PI4KB: variants seen among roughly 807,000 people sequenced by gnomAD.
PI4KB encodes the protein phosphatidylinositol 4-kinase beta, also known as PtdIns 4-kinase beta.
PI4KB carries 23 observed loss-of-function variants against 81.4 expected under a neutral mutation model. The observed-to-expected ratio is 0.28, with a 90% CI of 0.20 to 0.40. The LOEUF is 0.40. Among genes scored for constraint, PI4KB ranks in the 10% least tolerant of loss-of-function variants. The pLI is 1.00. For missense variants in PI4KB, 651 were observed against 1,036.6 expected, an observed-to-expected ratio of 0.63 and a Z score of 5.11; for synonymous variants, 381 against 406.8, an observed-to-expected ratio of 0.94 and a Z score of 0.76.
chr1:151,294,625 A>G (rs915474891), intron 9 of PI4KB, 84 bp from the exon 10 acceptor site: 12 of 1,335,038 alleles, frequency 9.0e-6, no homozygotes, highest in Admixed American at 7.1e-5. Context: ...CACTGGCCAC[A>G]TGACACCAGG....
At chr1:151,314,740 G>A (rs587643343) in intron 2 of PI4KB, among the ~76,000 whole-genome samples, 8 of 152,294 alleles carry the variant, frequency 5.3e-5, no homozygotes, top group African/African-American at 1.9e-4. Context: ...CAAAAGGTAG[G>A]ATCTTCAGAG....
intron 2 of PI4KB, among the ~76,000 whole-genome samples, chr1:151,314,510 T>C (rs1647609893): frequency 6.6e-6 from 1 of 152,178 alleles, no homozygotes; most frequent in Admixed American, 6.5e-5. Flanking sequence ...AAGTTATACC[T>C]CCAACTGCTG....
chr1:151,302,452 A>G (rs900030903), intron 6 of PI4KB, among the ~76,000 whole-genome samples, 154 bp from the exon 7 acceptor site: 1 of 152,128 alleles, frequency 6.6e-6, no homozygotes, highest in African/African-American at 2.4e-5. Flanking sequence ...AACATAACCA[A>G]TGACACCTTT....
chr1:151,315,519 G>A, intron 2 of PI4KB, 54 bp downstream of exon 2: 2 of 1,226,034 alleles, frequency 1.6e-6, no homozygotes, highest in South Asian at 1.2e-5. Context: ...GAGGCATCCT[G>A]TCTCCATGCA....
At chr1:151,300,495 A>G (rs1031999354) in intron 8 of PI4KB, among the ~76,000 whole-genome samples, 1 of 152,160 alleles carries the variant, frequency 6.6e-6, no homozygotes, top group African/African-American at 2.4e-5. Context: ...AATCCCAGCT[A>G]CTTGGGAAGG....
chr1:151,309,728 C>G (rs1407009769), intron 3 of PI4KB, among the ~76,000 whole-genome samples: 1 of 152,140 alleles, frequency 6.6e-6, no homozygotes, highest in Middle Eastern at 3.2e-3. Flanking sequence ...TTCCTTCAGG[C>G]CAAGTCCTAT....
Position 151,298,881 on chromosome 1 carries a change from T to G in PI4KB, c.1942A>C (p.Ser648Arg). The G allele has an allele frequency of 6.2e-7, 1 of 1,614,194 alleles. No individual in the cohort carries two copies. Residue 648 changes from serine (S) to arginine (R), a missense_variant, in exon 9 of 12, where the codon AGT (serine) becomes CGT (arginine). By Grantham distance (110) the Ser-to-Arg change is moderately radical. Around this residue, in one of 5 missense-constraint regions of PI4KB, gnomAD observed 246 missense variants for 430.1 expected, o/e 0.57. Transcript: ENST00000368873. ...HGSYTTEAFLSAQRNFVQSCA... is the reference protein window; with the variant it reads ...HGSYTTEAFLRAQRNFVQSCA... ...CTTTGCACAAAATTGCGCTGTGCAC[T>G]GAGGAATGCCTCAGTGGTGTAACTG...
At chr1:151,294,232 G>GGGCCCTGTTA in intron 10 of PI4KB, 94 bp from the exon 11 acceptor site, 1 of 1,521,552 alleles carries the variant, frequency 6.6e-7, no homozygotes, top group Non-Finnish European at 8.8e-7. Flanking sequence ...CCTCCTCTTG[G>GGGCCCTGTTA]GGCCCTGTTA....
chr1:151,302,022 G>A, intron 7 of PI4KB, 55 bp from the exon 8 acceptor site: 1 of 1,604,540 alleles, frequency 6.2e-7, no homozygotes, highest in Non-Finnish European at 8.5e-7. Flanking sequence ...GAGGACAAGA[G>A]ACATGGCTTC....
At chr1:151,302,172 C>CAG (rs767474243) in intron 7 of PI4KB, 22 bp downstream of exon 7, 6 of 1,576,622 alleles carry the variant, frequency 3.8e-6, no homozygotes, top group Non-Finnish European at 5.2e-6. Flanking sequence ...GAGAGGGGTT[C>CAG]AGAGACCCAC....
chr1:151,323,998 C>T (rs1248761914), intron 1 of PI4KB, among the ~76,000 whole-genome samples: 2 of 151,484 alleles, frequency 1.3e-5, no homozygotes, highest in Admixed American at 1.3e-4. Context: ...GTTACCCAGG[C>T]TGGAGTGCAG....
At chr1:151,320,193 C>T (rs1390956929) in intron 1 of PI4KB, among the ~76,000 whole-genome samples, 2 of 152,148 alleles carry the variant, frequency 1.3e-5, no homozygotes, top group Non-Finnish European at 2.9e-5. Context: ...GCCACCACGC[C>T]CGGCTAATTT....
chr1:151,307,834 G>A, intron 3 of PI4KB, 33 bp from the exon 4 acceptor site: 1 of 1,507,318 alleles, frequency 6.6e-7, no homozygotes. Flanking sequence ...AAAAGATGGT[G>A]AAGAAACCAT....
At chr1:151,296,826 T>C (rs938829060) in intron 9 of PI4KB, among the ~76,000 whole-genome samples, 1 of 151,646 alleles carries the variant, frequency 6.6e-6, no homozygotes, top group Non-Finnish European at 1.5e-5. Context: ...CCCAGGCTGG[T>C]GTGCAGTCGC....
At chr1:151,298,195 T>G (rs1190961416) in intron 9 of PI4KB, among the ~76,000 whole-genome samples, 2 of 152,206 alleles carry the variant, frequency 1.3e-5, no homozygotes, top group African/African-American at 4.8e-5. Context: ...GCTGAGAGTT[T>G]CCACTTCATC....
At chr1:151,297,451 C>G (rs1462179206) in intron 9 of PI4KB, among the ~76,000 whole-genome samples, 1 of 150,064 alleles carries the variant, frequency 6.7e-6, no homozygotes, top group Non-Finnish European at 1.5e-5. Context: ...AAGCAATTCT[C>G]CTGCCTTACC....
intron 11 of PI4KB, 196 bp downstream of exon 11, chr1:151,293,822 C>T: frequency 5.2e-6 from 3 of 574,230 alleles, no homozygotes; most frequent in South Asian, 4.6e-5. Flanking sequence ...CCTTCCCCAG[C>T]CTTCTGGACT....
intron 9 of PI4KB, among the ~76,000 whole-genome samples, chr1:151,295,132 G>A (rs1284819633): frequency 6.6e-6 from 1 of 152,238 alleles, no homozygotes; most frequent in African/African-American, 2.4e-5. Flanking sequence ...CAGTACTACA[G>A]GGCAGCTGTA....
rs80016580 is a variant in PI4KB at position 151,307,178 on chromosome 1, G to A, written c.1182+396C>T. ...TTGGGCATCCTTCTCTCCTTTTGTC[G>A]GCTCATTCTGATCAGAAAAGGTCTT... On this transcript the variant is annotated intron_variant, in intron 4 of 11. Transcript: ENST00000368873. Among the ~76,000 whole-genome samples, 196 of 152,138 alleles carry A rather than the reference G, an allele frequency of 1.3e-3. 3 individuals carry two copies. Among genetic ancestry groups the A allele is most frequent in the African/African-American group, 4.5e-3 (185 of 41,496 alleles).
Sources: gnomAD v4.1 joint callset for allele counts (sites outside exome capture counted in the v4.1 genomes callset) on GRCh38, gnomAD v4.1.1 for gene constraint, gnomAD v4.1.1 regional missense constraint, MANE v1.5 for transcripts, NCBI Gene and HGNC (gene_info 2026-07-23, HGNC 2026-07-21) for gene names.